Variants in RBFOX1 observed in about 807,000 individuals in gnomAD.
RBFOX1 encodes the protein RNA binding fox-1 homolog 1, also known as RNA binding protein fox-1 homolog 1.
RBFOX1 carries 8 observed loss-of-function variants against 57.7 expected under a neutral mutation model. The observed-to-expected ratio is 0.14, with a 90% CI of 0.08 to 0.25. RBFOX1 has a LOEUF of 0.25. Among genes scored for constraint, RBFOX1 ranks in the 10% least tolerant of loss-of-function variants. RBFOX1 has a pLI of 1.00. For synonymous variants in RBFOX1, 326 were observed against 222.4 expected (o/e 1.47, Z -4.15); for missense variants, 611 against 548.5 (o/e 1.11, Z -1.14).
intron 3 of RBFOX1, among the ~76,000 whole-genome samples, chr16:6,788,770 C>A (rs2154245735): frequency 6.6e-6 from 1 of 151,774 alleles, no homozygotes; most frequent in East Asian, 1.9e-4. Context: ...CGACCGTGCC[C>A]GGCCCCCCAC....
chr16:7,191,237 C>G lies in RBFOX1; in HGVS notation c.27+139139C>G, dbSNP rs1161758362. Among the ~76,000 whole-genome samples the G allele has an allele frequency of 4.0e-5, 6 of 151,704 alleles. No homozygotes were observed. In the South Asian group the frequency reaches 6.3e-4, roughly 16 times the overall value. ...TGTCTTAATAATGGATTTCTTCAGT[C>G]TTTAATATTTGATGGGAGAAGTAAT... On this transcript the variant is annotated intron_variant, in intron 4 of 15. Transcript: ENST00000550418.
intron 2 of RBFOX1, among the ~76,000 whole-genome samples, chr16:5,499,764 G>A (rs766582637): frequency 6.6e-6 from 1 of 151,862 alleles, no homozygotes; most frequent in African/African-American, 2.4e-5. Flanking sequence ...GTAGAAAGGG[G>A]GTTTCACCAT....
rs116065125 is a variant in RBFOX1 at position 7,119,993 on chromosome 16, A to C, written c.27+67895A>C. On this transcript the variant is annotated intron_variant, in intron 4 of 15. Coordinates refer to ENST00000550418, the MANE Select transcript of RBFOX1 (RefSeq NM_018723.4). ...AAATTTAAAATAATTGAAATCATATAGTTGCTTTCCTCTGACAAAATTGAG... is the reference window on the plus strand; with the variant it reads ...AAATTTAAAATAATTGAAATCATATCGTTGCTTTCCTCTGACAAAATTGAG... Among the ~76,000 whole-genome samples, 3 of 152,078 alleles carry C rather than the reference A, an allele frequency of 2.0e-5. No individual in the cohort carries two copies. The East Asian group carries it at 5.8e-4, about 30-fold the overall frequency.
rs984890619 is a variant in RBFOX1, at chr16:6,686,087, A to G, written c.-16+31437A>G. ...GGCCCAGCGCTGTGCTCAGCACTGC[A>G]TTATTTCATTTCAACCGTGCAGCAG... is the stretch of plus-strand genomic sequence containing the variant. On this transcript the variant is annotated intron_variant, in intron 3 of 15. Coordinates refer to ENST00000550418, the MANE Select transcript of RBFOX1 (RefSeq NM_018723.4). Among the ~76,000 whole-genome samples, 3 of 152,174 alleles carry G rather than the reference A, an allele frequency of 2.0e-5. No homozygotes were observed. The East Asian group carries it at 5.8e-4, about 29-fold the overall frequency.
At chr16:5,616,366 T>C (rs943365094) in intron 3 of RBFOX1, among the ~76,000 whole-genome samples, 2 of 152,156 alleles carry the variant, frequency 1.3e-5, no homozygotes, top group African/African-American at 4.8e-5. Context: ...TGGGCCCAGC[T>C]TGTCTGCGGT....
intron 3 of RBFOX1, among the ~76,000 whole-genome samples, chr16:6,753,414 A>C (rs1431967649): frequency 1.3e-5 from 2 of 152,316 alleles, no homozygotes; most frequent in South Asian, 2.1e-4. Context: ...GTGTGCCTGC[A>C]TTAATATCTA....
At chr16:6,750,386 G>A (rs1484881345) in intron 3 of RBFOX1, among the ~76,000 whole-genome samples, 1 of 152,164 alleles carries the variant, frequency 6.6e-6, no homozygotes, top group Non-Finnish European at 1.5e-5. Flanking sequence ...TTGCAACTGG[G>A]CTTAAAATAG....
chr16:5,943,297 A>T (rs953768272), intron 4 of RBFOX1, among the ~76,000 whole-genome samples: 2 of 152,180 alleles, frequency 1.3e-5, no homozygotes, highest in African/African-American at 4.8e-5. Flanking sequence ...TAGTCCAGGA[A>T]TCCACAGTGG....
intron 2 of RBFOX1, among the ~76,000 whole-genome samples, chr16:5,484,547 GC>G (rs2069658649): frequency 6.6e-6 from 1 of 152,212 alleles, no homozygotes; most frequent in African/African-American, 2.4e-5. Context: ...GGAGGCTGAG[GC>G]AGGAAGACTG....
intron 2 of RBFOX1, among the ~76,000 whole-genome samples, chr16:6,650,644 G>A (rs1602727270): frequency 6.6e-6 from 1 of 152,212 alleles, no homozygotes; most frequent in Non-Finnish European, 1.5e-5. Context: ...TTGACTGATA[G>A]GAAAACAGTC....
At chr16:7,348,661 G>T (rs926639393) in intron 4 of RBFOX1, among the ~76,000 whole-genome samples, 3 of 152,208 alleles carry the variant, frequency 2.0e-5, no homozygotes, top group East Asian at 1.9e-4. Context: ...TACACAAAAG[G>T]CCGGTTGCCG....
intron 3 of RBFOX1, among the ~76,000 whole-genome samples, chr16:5,628,888 A>T (rs1218750937): frequency 6.6e-6 from 1 of 152,190 alleles, no homozygotes; most frequent in East Asian, 1.9e-4. Context: ...GCTAAGTCCT[A>T]AGACGTTAGT....
intron 3 of RBFOX1, among the ~76,000 whole-genome samples, chr16:5,643,921 A>G (rs1440572301): frequency 6.6e-6 from 1 of 152,210 alleles, no homozygotes; most frequent in African/African-American, 2.4e-5. Context: ...CTCTGTAACA[A>G]TGACATTATA....
intron 3 of RBFOX1, among the ~76,000 whole-genome samples, chr16:6,679,553 C>G (rs922427958): frequency 6.6e-6 from 1 of 152,128 alleles, no homozygotes; most frequent in African/African-American, 2.4e-5. Flanking sequence ...TACAGTCATA[C>G]CCCTCTCTTC....
intron 10 of RBFOX1, among the ~76,000 whole-genome samples, chr16:7,626,194 C>T (rs1260287915): frequency 1.3e-5 from 2 of 152,214 alleles, no homozygotes; most frequent in East Asian, 1.9e-4. Flanking sequence ...CAGTTTTCCT[C>T]ACTTAGGGGG....
intron 3 of RBFOX1, among the ~76,000 whole-genome samples, chr16:6,857,644 C>A (rs976236293): frequency 6.6e-6 from 1 of 152,096 alleles, no homozygotes; most frequent in Non-Finnish European, 1.5e-5. Context: ...GTGTAAGATG[C>A]CCCTAAGGCT....
At chr16:7,671,600 G>C (rs760593868) in intron 13 of RBFOX1, 1 of 1,610,892 alleles carries the variant, frequency 6.2e-7, no homozygotes, top group African/African-American at 1.3e-5. Context: ...ATTGCTGCAG[G>C]TATGAAATCC....
intron 4 of RBFOX1, among the ~76,000 whole-genome samples, chr16:5,945,672 C>G (rs1359248449): frequency 6.6e-6 from 1 of 152,212 alleles, no homozygotes; most frequent in East Asian, 1.9e-4. Context: ...GCTTTAGCAC[C>G]CCTGCCCTTC....
intron 2 of RBFOX1, among the ~76,000 whole-genome samples, chr16:5,572,748 C>A (rs2046324018): frequency 1.3e-5 from 2 of 152,056 alleles, no homozygotes; most frequent in African/African-American, 4.8e-5. Context: ...AATATTTGAG[C>A]CAAGACATAA....
Sources: gnomAD v4.1 joint callset for allele counts (sites outside exome capture counted in the v4.1 genomes callset) on GRCh38, gnomAD v4.1.1 for gene constraint, MANE v1.5 for transcripts, NCBI Gene and HGNC (gene_info 2026-07-23, HGNC 2026-07-21) for gene names.